Variants in INPP5A observed in about 807,000 individuals in gnomAD.
INPP5A encodes 43 kDa inositol polyphosphate 5-phophatase.
Under a neutral mutation model 65.2 loss-of-function variants are expected in INPP5A, and 14 were observed. The observed-to-expected ratio is 0.21, with a 90% CI of 0.14 to 0.34. INPP5A has a LOEUF of 0.34. INPP5A is among the 10% of genes least tolerant of loss of function. INPP5A has a pLI of 1.00. For missense variants in INPP5A, 431 were observed against 545.6 expected (o/e 0.79, Z 2.09); for synonymous variants, 207 against 208.3 (o/e 0.99, Z 0.05).
chr10:132,633,276 A>G (rs901148939), intron 2 of INPP5A, among the ~76,000 whole-genome samples: 17 of 152,156 alleles, frequency 1.1e-4, no homozygotes, highest in Non-Finnish European at 8.8e-5. Flanking sequence ...TCAGTGAAGC[A>G]TTTACATTTA....
chr10:132,563,893 A>G (rs1415012674), intron 1 of INPP5A, among the ~76,000 whole-genome samples: 3 of 152,140 alleles, frequency 2.0e-5, no homozygotes, highest in African/African-American at 7.2e-5. Flanking sequence ...ATGGTGGCTC[A>G]TGTCCACTCT....
intron 9 of INPP5A, among the ~76,000 whole-genome samples, chr10:132,742,382 G>C (rs1314249919): frequency 6.6e-6 from 1 of 152,236 alleles, no homozygotes. Context: ...TGAGCAGAGA[G>C]GGGCGCTCCC....
rs1023527509 is a variant in INPP5A, at chr10:132,689,858, C to G, written c.307-534C>G. ...CCGGCTAATTTGTAAGTGGGAGACA[C>G]TGGCAGCTCCTGGGGCGATGGGGCA... On this transcript the variant is annotated intron_variant, in intron 4 of 15. Transcript: ENST00000368594. 2.0e-5 allele frequency among the ~76,000 whole-genome samples: 3 copies of G among 152,238 alleles called. 1 individual carries two copies. Among genetic ancestry groups the G allele is most frequent in the Non-Finnish European group, 4.4e-5 (3 of 68,038 alleles).
In INPP5A at chr10:132,697,061, C is replaced by T. The variant is rs1044000214; in HGVS notation, c.371-755C>T. ...AAGCGGTCTCCAGGAACCTCGTTGA[C>T]ACCCAGGAGTGTCACCTCAGTGGCC... On this transcript the variant is annotated intron_variant, in intron 5 of 15. Coordinates refer to ENST00000368594, the MANE Select transcript of INPP5A (RefSeq NM_005539.5). This position sits in a 1 kb window ranked among gnomAD's most constrained non-coding sequence, Gnocchi z 5.6. 6.6e-6 allele frequency among the ~76,000 whole-genome samples: 1 copy of T among 152,240 alleles called. No individual in the cohort carries two copies. The highest frequency in any genetic ancestry group is 2.4e-5 in the African/African-American group (1 of 41,460).
At chr10:132,662,382 A>G (rs548396772) in intron 4 of INPP5A, among the ~76,000 whole-genome samples, 1 of 152,330 alleles carries the variant, frequency 6.6e-6, no homozygotes, top group African/African-American at 2.4e-5. Flanking sequence ...AAACCTGTCA[A>G]CAGCCCAGAT....
intron 2 of INPP5A, among the ~76,000 whole-genome samples, chr10:132,624,277 G>A (rs113004724): frequency 1.1e-4 from 17 of 152,224 alleles, no homozygotes; most frequent in East Asian, 1.9e-4. Context: ...ACATGGAAGC[G>A]GGGGAGCTGT....
chr10:132,604,614 G>A (rs1193507749), intron 1 of INPP5A, among the ~76,000 whole-genome samples: 3 of 152,192 alleles, frequency 2.0e-5, no homozygotes, highest in African/African-American at 7.2e-5. Context: ...CTCAAGCTAT[G>A]CTACTTGCAC....
At chr10:132,655,920 G>T (rs536761160) in intron 4 of INPP5A, among the ~76,000 whole-genome samples, 21 of 152,316 alleles carry the variant, frequency 1.4e-4, no homozygotes, top group African/African-American at 4.8e-4. Flanking sequence ...TGTGTCCTGG[G>T]CTCTAGTCCC....
intron 1 of INPP5A, among the ~76,000 whole-genome samples, chr10:132,540,204 C>T (rs1038844754): frequency 2.6e-5 from 4 of 152,228 alleles, no homozygotes; most frequent in African/African-American, 9.6e-5. Context: ...TTTTACTGTG[C>T]AGACATTCTT....
intron 4 of INPP5A, among the ~76,000 whole-genome samples, chr10:132,682,175 T>C (rs1212886901): frequency 9.5e-6 from 1 of 105,050 alleles, no homozygotes; most frequent in Admixed American, 1.2e-4. Context: ...GTGGACAGCG[T>C]CCTGGAGATG....
At position 132,710,574 on chromosome 10, in the gene INPP5A, G is replaced by T. The variant is rs111857072; in HGVS notation, c.647+118G>T. The T allele has an allele frequency of 3.8e-5, 52 of 1,360,400 alleles. No individual in the cohort carries two copies. In the African/African-American group the frequency reaches 5.5e-4, roughly 14 times the overall value. 84.3% of individuals were successfully genotyped at this position (1,360,400 alleles called of 1,614,324 possible). A position where few individuals can be genotyped will look rare whatever the true frequency, so the allele number is the denominator to read the frequency against. On this transcript the variant is annotated intron_variant, in intron 8 of 15. Transcript: ENST00000368594. ...AGGTATGCTGGGCAGGTCGGTGTGGGTGGACAGGTAGGTGGGGTGGACAGG... is the reference window on the plus strand; with the variant it reads ...AGGTATGCTGGGCAGGTCGGTGTGGTTGGACAGGTAGGTGGGGTGGACAGG...
rs1430415204 is a variant in INPP5A, at chr10:132,675,321, T to C, written c.307-15071T>C. On this transcript the variant is annotated intron_variant, in intron 4 of 15. Coordinates refer to ENST00000368594, the MANE Select transcript of INPP5A (RefSeq NM_005539.5). The surrounding 1 kb of genome is among the most constrained non-coding windows in gnomAD (Gnocchi z 4.2). ...TTACCCGGCAAAACATCTCCTAAGA[T>C]TGAAGGTGAAATAGACATTTTAACT... is the stretch of plus-strand genomic sequence containing the variant. Among the ~76,000 whole-genome samples the C allele has an allele frequency of 6.6e-6, 1 of 152,142 alleles. No homozygotes were observed. The highest frequency in any genetic ancestry group is 1.5e-5 in the Non-Finnish European group (1 of 68,034).
intron 12 of INPP5A, among the ~76,000 whole-genome samples, chr10:132,770,545 A>G (rs1846930934): frequency 6.6e-6 from 1 of 152,160 alleles, no homozygotes; most frequent in Admixed American, 6.5e-5. Flanking sequence ...ACATGCCACC[A>G]TCGAAATGGC....
chr10:132,670,068 C>T (rs1359175764), intron 4 of INPP5A, among the ~76,000 whole-genome samples: 1 of 147,298 alleles, frequency 6.8e-6, no homozygotes, highest in Non-Finnish European at 1.5e-5. Context: ...GTTCTCAGCC[C>T]CCATGTCCTC....
chr10:132,690,293 C>T (rs1486001011), intron 4 of INPP5A, 99 bp from the exon 5 acceptor site: 10 of 808,258 alleles, frequency 1.2e-5, no homozygotes, highest in Non-Finnish European at 1.7e-5. Context: ...GAAACTCTTG[C>T]TCTAGCTAGT....
At chr10:132,684,373 ATATG>A (rs1311116270) in intron 4 of INPP5A, among the ~76,000 whole-genome samples, 1 of 152,200 alleles carries the variant, frequency 6.6e-6, no homozygotes, top group Non-Finnish European at 1.5e-5. Context: ...GTATACAGAC[ATATG>A]TATGTCTACA....
intron 4 of INPP5A, among the ~76,000 whole-genome samples, chr10:132,671,079 T>G (rs2072883771): frequency 6.6e-6 from 1 of 151,874 alleles, no homozygotes; most frequent in East Asian, 1.9e-4. Context: ...AAAGAGAAGG[T>G]CTCTCTTTCA....
intron 1 of INPP5A, among the ~76,000 whole-genome samples, chr10:132,598,727 T>G (rs1338674922): frequency 6.6e-6 from 1 of 152,240 alleles, no homozygotes; most frequent in Non-Finnish European, 1.5e-5. Flanking sequence ...TAGTTCATTT[T>G]CATGCTGCTG....
chr10:132,590,170 G>A (rs1590851039), intron 1 of INPP5A, among the ~76,000 whole-genome samples: 1 of 152,360 alleles, frequency 6.6e-6, no homozygotes, highest in African/African-American at 2.4e-5. Flanking sequence ...GGACGCCAGG[G>A]ATGCGGCCTC....
Sources: gnomAD v4.1 joint callset for allele counts (sites outside exome capture counted in the v4.1 genomes callset) on GRCh38, gnomAD v4.1.1 for gene constraint, Gnocchi (gnomAD v3.1) non-coding constraint, MANE v1.5 for transcripts, NCBI Gene and HGNC (gene_info 2026-07-23, HGNC 2026-07-21) for gene names.